Variants in AKT3 observed in about 807,000 individuals in gnomAD.
AKT3 encodes the protein RAC-gamma serine/threonine-protein kinase.
AKT3 carries 15 observed loss-of-function variants against 65.3 expected under a neutral mutation model. The ratio of observed to expected loss-of-function variants is 0.23; its 90% CI spans 0.15 to 0.35. AKT3 has a LOEUF of 0.35. AKT3 is among the 10% of genes least tolerant of loss of function. AKT3 has a pLI of 1.00. For synonymous variants in AKT3, 206 were observed against 183.8 expected (o/e 1.12, Z -0.98); for missense variants, 243 against 576.5 (o/e 0.42, Z 5.92).
intron 2 of AKT3, among the ~76,000 whole-genome samples, chr1:243,805,099 A>C (rs1348660464): frequency 3.9e-5 from 6 of 152,110 alleles, no homozygotes; most frequent in Non-Finnish European, 8.8e-5. Context: ...GGGATACATA[A>C]ATAGAAGAGG....
chr1:243,637,767 T>C (rs897317343), intron 5 of AKT3, 25 bp from the exon 6 acceptor site: 3 of 1,446,126 alleles, frequency 2.1e-6, no homozygotes, highest in Non-Finnish European at 2.8e-6. Flanking sequence ...TTAAAAAATA[T>C]AATATGAAGT....
At chr1:243,593,924 C>T (rs1349584402) in intron 8 of AKT3, among the ~76,000 whole-genome samples, 1 of 152,078 alleles carries the variant, frequency 6.6e-6, no homozygotes, top group Non-Finnish European at 1.5e-5. Context: ...CACTAGCAGT[C>T]ACAGGCAGTG....
chr1:243,655,458 TC>T (rs2147881595), intron 4 of AKT3, among the ~76,000 whole-genome samples: 1 of 152,264 alleles, frequency 6.6e-6, no homozygotes, highest in Non-Finnish European at 1.5e-5. Context: ...TGTTTTTTTT[TC>T]CTCTATTATT....
intron 2 of AKT3, among the ~76,000 whole-genome samples, chr1:243,768,661 T>G (rs539094177): frequency 9.3e-4 from 141 of 151,848 alleles, no homozygotes; most frequent in Non-Finnish European, 1.6e-3. Context: ...ATGGTGAAAC[T>G]CCATCTCTAC....
intron 9 of AKT3, among the ~76,000 whole-genome samples, chr1:243,567,216 G>T (rs1674222972): frequency 6.6e-6 from 1 of 152,102 alleles, no homozygotes; most frequent in African/African-American, 2.4e-5. Flanking sequence ...GAGGTGTGTG[G>T]GGAGGTTGTA....
intron 2 of AKT3, among the ~76,000 whole-genome samples, chr1:243,725,813 A>T (rs2148127426): frequency 6.6e-6 from 1 of 152,338 alleles, no homozygotes; most frequent in East Asian, 1.9e-4. Flanking sequence ...TACATATGCC[A>T]CATATACATG....
intron 3 of AKT3, among the ~76,000 whole-genome samples, chr1:243,673,860 A>C (rs1683322257): frequency 6.6e-6 from 1 of 152,040 alleles, no homozygotes; most frequent in Admixed American, 6.6e-5. Context: ...TGATCCACCC[A>C]CCTCAGCCTA....
At chr1:243,828,782 CG>C (rs1694327341) in intron 2 of AKT3, among the ~76,000 whole-genome samples, 1 of 152,044 alleles carries the variant, frequency 6.6e-6, no homozygotes, top group Non-Finnish European at 1.5e-5. Flanking sequence ...AAGTGATTTG[CG>C]CATTTTTGAC....
chr1:243,678,399 T>A (rs944621256), intron 3 of AKT3, among the ~76,000 whole-genome samples: 4 of 152,268 alleles, frequency 2.6e-5, no homozygotes, highest in Admixed American at 6.5e-5. Context: ...AAGAATCAGC[T>A]CCTTCACTGA....
intron 2 of AKT3, among the ~76,000 whole-genome samples, chr1:243,794,008 G>A (rs1281189039): frequency 6.6e-6 from 1 of 152,188 alleles, no homozygotes; most frequent in Non-Finnish European, 1.5e-5. Context: ...CTAAATCCAT[G>A]TAGCCATTTT....
chr1:243,768,354 T>C (rs1468007306), intron 2 of AKT3, among the ~76,000 whole-genome samples: 1 of 152,136 alleles, frequency 6.6e-6, no homozygotes, highest in Non-Finnish European at 1.5e-5. Flanking sequence ...CTCATTTCCA[T>C]TGCTAACAGT....
At chr1:243,616,853 G>T (rs978432819) in intron 6 of AKT3, among the ~76,000 whole-genome samples, 1 of 152,152 alleles carries the variant, frequency 6.6e-6, no homozygotes, top group African/African-American at 2.4e-5. Context: ...GCATAAACAT[G>T]AAATCATCTC....
At position 243,628,698 on chromosome 1, in the gene AKT3, G is replaced by C. The variant is rs137871686; in HGVS notation, c.561+8913C>G. Among the ~76,000 whole-genome samples the C allele has an allele frequency of 3.5e-3, 533 of 152,198 alleles. 2 individuals carry two copies. Among genetic ancestry groups the C allele is most frequent in the African/African-American group, 0.012 (515 of 41,526 alleles). Reference sequence around the variant, plus strand: ...TGTTCAAATGCTAGTGTCTTACAAAGAGCTCTCACTGACCACCAAAAAGTG... The same window carrying C: ...TGTTCAAATGCTAGTGTCTTACAAACAGCTCTCACTGACCACCAAAAAGTG... On this transcript the variant is annotated intron_variant, in intron 6 of 13. Coordinates refer to ENST00000673466, the MANE Select transcript of AKT3 (RefSeq NM_005465.7).
chr1:243,640,453 A>T (rs1680291769), intron 5 of AKT3, among the ~76,000 whole-genome samples: 1 of 152,198 alleles, frequency 6.6e-6, no homozygotes, highest in African/African-American at 2.4e-5. Flanking sequence ...AATATGATCA[A>T]ACTGATACTA....
intron 13 of AKT3, chr1:243,489,202 T>C: frequency 1.3e-6 from 2 of 1,589,086 alleles, no homozygotes; most frequent in Non-Finnish European, 1.7e-6. Flanking sequence ...GTGGATCTTT[T>C]ATGCACCTCA....
intron 8 of AKT3, among the ~76,000 whole-genome samples, chr1:243,574,033 A>G (rs1674753376): frequency 6.6e-6 from 1 of 152,172 alleles, no homozygotes. Context: ...ATGGTTATTA[A>G]TAGATACACA....
intron 5 of AKT3, among the ~76,000 whole-genome samples, chr1:243,644,103 A>G (rs1056768887): frequency 6.6e-5 from 10 of 152,184 alleles, no homozygotes; most frequent in African/African-American, 2.4e-4. Context: ...TTTTAATTGT[A>G]TACTGTAACA....
chr1:243,512,618 T>G (rs1314453229), intron 12 of AKT3, among the ~76,000 whole-genome samples, 192 bp from the exon 13 acceptor site: 4 of 152,118 alleles, frequency 2.6e-5, no homozygotes, highest in African/African-American at 4.8e-5. Flanking sequence ...AATTGGTGGT[T>G]CTGTATAAAA....
intron 10 of AKT3, among the ~76,000 whole-genome samples, chr1:243,558,486 G>A (rs917370892): frequency 1.3e-5 from 2 of 151,924 alleles, no homozygotes; most frequent in Non-Finnish European, 1.5e-5. Context: ...TAAGAATGGG[G>A]TTCTAAAAAA....
Sources: gnomAD v4.1 joint callset for allele counts (sites outside exome capture counted in the v4.1 genomes callset) on GRCh38, gnomAD v4.1.1 for gene constraint, MANE v1.5 for transcripts, NCBI Gene and HGNC (gene_info 2026-07-23, HGNC 2026-07-21) for gene names.